MRPS28: variants seen among roughly 807,000 people sequenced by gnomAD.
MRPS28 encodes mitochondrial ribosomal protein S28.
Under a neutral mutation model 10.8 loss-of-function variants are expected in MRPS28, and 7 were observed. The observed-to-expected ratio is 0.65, with a 90% CI of 0.37 to 1.22. MRPS28 has a LOEUF of 1.22. Among genes scored for constraint, MRPS28 ranks in the 50% most tolerant of loss-of-function variants. The pLI, the probability that MRPS28 is intolerant of heterozygous loss-of-function variation, is 0.02. For missense variants in MRPS28, 265 were observed against 232.9 expected (o/e 1.14, Z -0.90); for synonymous variants, 121 against 93.3 (o/e 1.30, Z -1.71).
chr8:79,956,106 T>C (rs1233868257), intron 2 of MRPS28, among the ~76,000 whole-genome samples: 1 of 152,130 alleles, frequency 6.6e-6, no homozygotes, highest in Non-Finnish European at 1.5e-5. Flanking sequence ...TGATGCCTGA[T>C]TGCCTTTGAA....
chr8:79,935,135 T>C (rs1267580572), intron 2 of MRPS28, among the ~76,000 whole-genome samples: 1 of 152,198 alleles, frequency 6.6e-6, no homozygotes, highest in East Asian at 1.9e-4. Flanking sequence ...ACTGTCTCTA[T>C]TGAAAATCAC....
chr8:79,948,475 T>C (rs918585529), intron 2 of MRPS28, among the ~76,000 whole-genome samples: 1 of 152,226 alleles, frequency 6.6e-6, no homozygotes, highest in Non-Finnish European at 1.5e-5. Flanking sequence ...TTTTCTTGCC[T>C]TACAACTCTA....
At chr8:80,005,303 C>A (rs1371997666) in intron 1 of MRPS28, among the ~76,000 whole-genome samples, 1 of 152,184 alleles carries the variant, frequency 6.6e-6, no homozygotes, top group Non-Finnish European at 1.5e-5. Context: ...AGAAACTCTA[C>A]AAGCCAGAAG....
intron 2 of MRPS28, among the ~76,000 whole-genome samples, chr8:79,975,503 T>C (rs1007078761): frequency 7.9e-5 from 12 of 151,872 alleles, no homozygotes; most frequent in Non-Finnish European, 1.5e-4. Flanking sequence ...CTGGAGTAAA[T>C]TTTTTTTAAC....
chr8:79,978,012 A>G (rs1391690995), intron 2 of MRPS28, among the ~76,000 whole-genome samples: 1 of 152,124 alleles, frequency 6.6e-6, no homozygotes, highest in East Asian at 1.9e-4. Flanking sequence ...AAAAAAATAA[A>G]TATGAAAATA....
intron 2 of MRPS28, among the ~76,000 whole-genome samples, chr8:79,972,768 G>A (rs1253275897): frequency 6.6e-6 from 1 of 152,210 alleles, no homozygotes; most frequent in Non-Finnish European, 1.5e-5. Context: ...AACAGAGAAA[G>A]ATAGCTTTAA....
intron 1 of MRPS28, among the ~76,000 whole-genome samples, chr8:80,026,758 A>C (rs1353274802): frequency 6.6e-6 from 1 of 152,156 alleles, no homozygotes; most frequent in East Asian, 1.9e-4. Flanking sequence ...AAAAAATGGC[A>C]TGTGCATGGT....
At position 80,003,077 on chromosome 8, in the gene MRPS28, T is replaced by C; in HGVS notation, c.317A>G (p.His106Arg). Residue 106 changes from histidine to arginine, a missense_variant, in exon 2 of 3, where the codon CAT (histidine) becomes CGT (arginine). Transcript: ENST00000276585. ...TATGTACAGATCATTCTCCACAATA[T>C]GAAAGATCCGTCCAATGACCAGTTT... ...KDKLVIGRIFHIVENDLYIDF... is the reference protein window; with the variant it reads ...KDKLVIGRIFRIVENDLYIDF... 2 of 1,613,750 alleles carry C rather than the reference T, an allele frequency of 1.2e-6. No homozygotes were observed. The highest frequency in any genetic ancestry group is 1.1e-5 in the South Asian group (1 of 90,978).
In MRPS28 at chr8:79,971,312, T is replaced by C. The variant is rs142234052; in HGVS notation, c.395+31687A>G. Among the ~76,000 whole-genome samples, 67 of 152,350 alleles carry C rather than the reference T, an allele frequency of 4.4e-4. No homozygotes were observed. In the East Asian group the frequency reaches 0.011, roughly 25 times the overall value. ...GAGTCTCTTGACTCCCTTATCAAGC[T>C]ATCTTTCTTACACAGAAAGGTTTTT... is the stretch of plus-strand genomic sequence containing the variant. On this transcript the variant is annotated intron_variant, in intron 2 of 2. Transcript: ENST00000276585.
chr8:79,941,204 ATC>A (rs957742003), intron 2 of MRPS28, among the ~76,000 whole-genome samples: 2 of 152,208 alleles, frequency 1.3e-5, no homozygotes, highest in African/African-American at 4.8e-5. Context: ...TCTAGGAAAG[ATC>A]TGTCTTTAAG....
At chr8:79,919,526 T>TC (rs1810014876) in intron 2 of MRPS28, among the ~76,000 whole-genome samples, 1 of 152,060 alleles carries the variant, frequency 6.6e-6, no homozygotes, top group African/African-American at 2.4e-5. Flanking sequence ...TCAGGGTCTC[T>TC]CTATGTTGCC....
At chr8:79,987,533 A>G (rs1808225642) in intron 2 of MRPS28, among the ~76,000 whole-genome samples, 1 of 152,188 alleles carries the variant, frequency 6.6e-6, no homozygotes, top group Non-Finnish European at 1.5e-5. Context: ...CTCATCTGAC[A>G]AAGGGCTAAT....
intron 1 of MRPS28, 49 bp from the exon 2 acceptor site, chr8:80,003,229 A>G (rs753960853): frequency 7.8e-7 from 1 of 1,282,590 alleles, no homozygotes; most frequent in South Asian, 2.4e-5. Context: ...ACATGAAGGT[A>G]TAATAAAGTC....
intron 2 of MRPS28, among the ~76,000 whole-genome samples, chr8:79,964,381 A>G (rs1807451059): frequency 6.6e-6 from 1 of 152,164 alleles, no homozygotes; most frequent in Non-Finnish European, 1.5e-5. Context: ...CGGAGACTAT[A>G]AACAGACAGA....
intron 2 of MRPS28, among the ~76,000 whole-genome samples, chr8:79,981,130 A>G (rs75962623): frequency 0.011 from 1,633 of 152,228 alleles, 37 homozygotes; most frequent in African/African-American, 0.037. Context: ...GGAGTTCAAG[A>G]TGAGCCTGGG....
chr8:80,022,908 C>G (rs1284123967), intron 1 of MRPS28, among the ~76,000 whole-genome samples: 1 of 152,158 alleles, frequency 6.6e-6, no homozygotes, highest in Non-Finnish European at 1.5e-5. Context: ...AGTCATGAGT[C>G]TGATTGGGTA....
intron 2 of MRPS28, among the ~76,000 whole-genome samples, chr8:79,972,731 T>C (rs896881204): frequency 6.6e-6 from 1 of 152,200 alleles, no homozygotes; most frequent in Non-Finnish European, 1.5e-5. Flanking sequence ...ATACTATCAC[T>C]ACACAAAACT....
At chr8:79,985,396 G>A (rs1053024460) in intron 2 of MRPS28, among the ~76,000 whole-genome samples, 13 of 152,132 alleles carry the variant, frequency 8.5e-5, no homozygotes, top group Non-Finnish European at 1.3e-4. Context: ...ACATTCAAAA[G>A]CTAGCAGAAG....
intron 2 of MRPS28, among the ~76,000 whole-genome samples, chr8:79,977,174 G>A (rs1216693541): frequency 1.3e-5 from 2 of 152,168 alleles, no homozygotes; most frequent in African/African-American, 4.8e-5. Context: ...AAACAAAACA[G>A]AAATCTGTAG....
Sources: gnomAD v4.1 joint callset for allele counts (sites outside exome capture counted in the v4.1 genomes callset) on GRCh38, gnomAD v4.1.1 for gene constraint, MANE v1.5 for transcripts, NCBI Gene and HGNC (gene_info 2026-07-23, HGNC 2026-07-21) for gene names.